The following DZIP3 variants were observed in gnomAD, a reference collection of about 807,000 sequenced individuals.
The protein encoded by DZIP3 is E3 ubiquitin-protein ligase DZIP3.
A neutral mutation model predicts 162.0 loss-of-function variants in DZIP3; 118 were observed. The observed-to-expected ratio is 0.73, with a 90% CI of 0.63 to 0.85. The LOEUF (loss-of-function observed/expected upper bound fraction) is 0.85, where lower values mean the gene tolerates loss of function less well. DZIP3 is among the 40% of genes least tolerant of loss of function. DZIP3 has a pLI of 0.00. For synonymous variants in DZIP3, 438 were observed against 458.6 expected (o/e 0.96, Z 0.57); for missense variants, 1,331 against 1,407.0 (o/e 0.95, Z 0.86).
chr3:108,642,171 T>C (rs1042698472), intron 12 of DZIP3, among the ~76,000 whole-genome samples: 1 of 152,174 alleles, frequency 6.6e-6, no homozygotes, highest in African/African-American at 2.4e-5. Flanking sequence ...TTTTTTCTGC[T>C]ACCACACAGC....
At chr3:108,631,052 C>CACACAT (rs1168781519) in intron 8 of DZIP3, among the ~76,000 whole-genome samples, 6 of 102,236 alleles carry the variant, frequency 5.9e-5, no homozygotes, top group African/African-American at 1.1e-4. Flanking sequence ...CACACACACA[C>CACACAT]ACACTCTCTC....
chr3:108,593,434 C>T (rs1379246246), intron 1 of DZIP3, among the ~76,000 whole-genome samples: 1 of 151,074 alleles, frequency 6.6e-6, no homozygotes, highest in African/African-American at 2.5e-5. Context: ...TTATTATATA[C>T]CTGTTCATAA....
At chr3:108,654,025 G>GA (rs1391308546) in intron 18 of DZIP3, 120 bp from the exon 19 acceptor site, 4 of 1,042,578 alleles carry the variant, frequency 3.8e-6, no homozygotes, top group Non-Finnish European at 4.1e-6. Flanking sequence ...CTTTGATCAT[G>GA]AACCCTTCTA....
intron 20 of DZIP3, 24 bp from the exon 21 acceptor site, chr3:108,662,106 G>C: frequency 1.3e-6 from 2 of 1,576,652 alleles, no homozygotes; most frequent in Non-Finnish European, 8.6e-7. Flanking sequence ...ATAATTATCT[G>C]AAATAATATT....
At chr3:108,683,853 A>G (rs1316779341) in intron 26 of DZIP3, among the ~76,000 whole-genome samples, 1 of 152,172 alleles carries the variant, frequency 6.6e-6, no homozygotes, top group Non-Finnish European at 1.5e-5. Context: ...TCTCCTTTGC[A>G]TAGTTCTATG....
chr3:108,635,459 A>C (rs1406154508), intron 10 of DZIP3: 1 of 186,184 alleles, frequency 5.4e-6, no homozygotes, highest in Non-Finnish European at 1.1e-5. Context: ...TTTAGTTATA[A>C]TAGTTACATA....
At chr3:108,616,206 G>A (rs1377789815) in intron 4 of DZIP3, among the ~76,000 whole-genome samples, 1 of 151,964 alleles carries the variant, frequency 6.6e-6, no homozygotes, top group Non-Finnish European at 1.5e-5. Flanking sequence ...GGAGCTTGCA[G>A]TGAGCTGAGA....
At chr3:108,666,633 T>C (rs1292814084) in intron 21 of DZIP3, among the ~76,000 whole-genome samples, 1 of 151,970 alleles carries the variant, frequency 6.6e-6, no homozygotes, top group Non-Finnish European at 1.5e-5. Context: ...AGATAGACAA[T>C]AACCTGGGCC....
chr3:108,684,275 T>G lies in DZIP3; in HGVS notation c.2943T>G (p.Thr981=). The G allele has an allele frequency of 6.2e-7, 1 of 1,613,668 alleles. No individual in the cohort carries two copies. Among genetic ancestry groups the G allele is most frequent in the South Asian group, 1.1e-5 (1 of 91,038 alleles). The change falls in exon 27 of 33, where the codon ACT becomes ACG. Residue 981 remains threonine (T), a synonymous_variant. Coordinates refer to ENST00000361582, the MANE Select transcript of DZIP3 (RefSeq NM_014648.4). ...AATCTTTCTTTAGACCCATACTTAC[T>G]GTTCCTCAAATGCCTGCAGTTTGCC... The part of the protein sequence containing the change: ...VKESFFRPIL[T]VPQMPAVCPG...
intron 12 of DZIP3, among the ~76,000 whole-genome samples, chr3:108,637,868 C>T (rs959253894): frequency 2.0e-5 from 3 of 152,070 alleles, no homozygotes; most frequent in African/African-American, 7.2e-5. Context: ...TTATCCAAAC[C>T]ACTAAGCTTG....
rs528071047 is a variant in DZIP3 at position 108,676,349 on chromosome 3, C to T, written c.2781+476C>T. 1.3e-4 allele frequency among the ~76,000 whole-genome samples: 20 copies of T among 152,070 alleles called. 1 individual carries two copies. The highest frequency in any genetic ancestry group is 7.2e-4 in the Admixed American group (11 of 15,244). On this transcript the variant is annotated intron_variant, in intron 25 of 32. Transcript: ENST00000361582. ...GGAATAAAAACTAAATGTTTTAATG[C>T]GGTCTGAGTAATAATGTGTTTACAG...
chr3:108,669,841 T>C (rs1360701405), intron 22 of DZIP3, 92 bp downstream of exon 22: 2 of 1,045,896 alleles, frequency 1.9e-6, no homozygotes, highest in African/African-American at 3.2e-5. Context: ...AATTTATCAT[T>C]CAAACCGGGG....
intron 32 of DZIP3, 156 bp downstream of exon 32, chr3:108,691,059 T>C: frequency 1.7e-6 from 1 of 583,486 alleles, no homozygotes; most frequent in Non-Finnish European, 3.0e-6. Context: ...CTTCAGGACT[T>C]GTGAAATGAA....
intron 12 of DZIP3, 69 bp downstream of exon 12, chr3:108,637,617 T>C: frequency 7.8e-7 from 1 of 1,289,934 alleles, no homozygotes; most frequent in Non-Finnish European, 1.1e-6. Flanking sequence ...TGCTTAATTC[T>C]TCTGTGTTTC....
chr3:108,631,590 T>TC (rs1367307088), intron 8 of DZIP3, among the ~76,000 whole-genome samples: 1 of 144,904 alleles, frequency 6.9e-6, no homozygotes, highest in East Asian at 2.0e-4. Flanking sequence ...TCCCTTTTTT[T>TC]TTTTTTTTTT....
At chr3:108,673,539 C>T (rs1943999502) in intron 23 of DZIP3, among the ~76,000 whole-genome samples, 1 of 151,812 alleles carries the variant, frequency 6.6e-6, no homozygotes, top group South Asian at 2.1e-4. Context: ...TAGTAAAAAA[C>T]AGAGGCTAAA....
In DZIP3 at chr3:108,605,386, T is replaced by C. The variant is rs1399852068; in HGVS notation, c.-21T>C. ...TTGGCAAGCAGTGGAATAAGATTTT[T>C]GTAAAGAAACCTTGTGCAGCATGGA... is the stretch of plus-strand genomic sequence containing the variant. On this transcript the variant is annotated 5_prime_UTR_variant, in exon 2 of 33. Transcript: ENST00000361582. The C allele has an allele frequency of 1.2e-6, 2 of 1,613,408 alleles. No homozygotes were observed. The highest frequency in any genetic ancestry group is 1.3e-5 in the African/African-American group (1 of 74,872).
intron 22 of DZIP3, among the ~76,000 whole-genome samples, chr3:108,671,547 C>T (rs902634119): frequency 1.3e-5 from 2 of 151,916 alleles, no homozygotes; most frequent in African/African-American, 4.8e-5. Flanking sequence ...CATCTTCCTC[C>T]TTCCCTCTCA....
At position 108,616,713 on chromosome 3, in the gene DZIP3, TGAGAA is replaced by T. The variant is rs1480145006; in HGVS notation, c.375+57_375+61del. On this transcript the variant is annotated intron_variant, in intron 5 of 32. Coordinates refer to ENST00000361582, the MANE Select transcript of DZIP3 (RefSeq NM_014648.4). Reference sequence around the variant, plus strand: ...AATGGACTTGGTCAACATTTCTCAGTGAGAAAACAGCCAATGCATGCTTATTTTAA... The same window carrying T: ...AATGGACTTGGTCAACATTTCTCAGTAACAGCCAATGCATGCTTATTTTAA... The T allele has an allele frequency of 4.7e-6, 6 of 1,272,704 alleles. No individual in the cohort carries two copies. In the African/African-American group the frequency reaches 7.6e-5, roughly 16 times the overall value. The allele number at this position is 1,272,704 out of a possible 1,614,324, so 78.8% of individuals were successfully genotyped here.
Sources: allele counts gnomAD v4.1 joint callset (sites outside exome capture counted in the v4.1 genomes callset), GRCh38; gene constraint gnomAD v4.1.1; transcripts MANE v1.5; gene names NCBI Gene and HGNC (gene_info 2026-07-23, HGNC 2026-07-21).